Variants in AGPAT3 observed in about 807,000 individuals in gnomAD.
The protein encoded by AGPAT3 is 1-acyl-sn-glycerol-3-phosphate acyltransferase gamma.
Under a neutral mutation model 47.3 loss-of-function variants are expected in AGPAT3, and 5 were observed. The observed-to-expected ratio is 0.11, with a 90% CI of 0.06 to 0.22. The LOEUF (loss-of-function observed/expected upper bound fraction) is 0.22. AGPAT3 is among the 10% of genes least tolerant of loss of function. The probability of loss-of-function intolerance (pLI) is 1.00; values close to 1 mark genes in which losing one functional copy is unlikely to be tolerated. For synonymous variants in AGPAT3, 212 were observed against 208.3 expected, an observed-to-expected ratio of 1.02 and a Z score of -0.15; for missense variants, 315 against 493.0, an observed-to-expected ratio of 0.64 and a Z score of 3.42.
In AGPAT3 at chr21:43,945,956, G is replaced by A. The variant is rs111250381; in HGVS notation, c.-48-13678G>A. On this transcript the variant is annotated intron_variant, in intron 2 of 9. Transcript: ENST00000291572. ...AGGGGTCACGAGGAGAAGCCAGCAG[G>A]AGGGTGGTGGGCCCTCCACCTTGTC... Among the ~76,000 whole-genome samples, 943 of 152,182 alleles carry A rather than the reference G, an allele frequency of 6.2e-3. 16 individuals carry two copies. The highest frequency in any genetic ancestry group is 0.021 in the African/African-American group (861 of 41,520).
chr21:43,968,544 T>TGAG (rs1218652387), intron 4 of AGPAT3, among the ~76,000 whole-genome samples: 2 of 151,308 alleles, frequency 1.3e-5, no homozygotes, highest in African/African-American at 4.9e-5. Flanking sequence ...GGGGACTCCC[T>TGAG]GAGGAGGTGC....
At chr21:43,915,647 A>G (rs1450520090) in intron 2 of AGPAT3, among the ~76,000 whole-genome samples, 1 of 151,612 alleles carries the variant, frequency 6.6e-6, no homozygotes, top group Non-Finnish European at 1.5e-5. Flanking sequence ...CCTGACCTCA[A>G]GTGATCCACC....
chr21:43,865,819 G>C (rs1156867435), intron 1 of AGPAT3, among the ~76,000 whole-genome samples: 2 of 152,042 alleles, frequency 1.3e-5, no homozygotes, highest in Non-Finnish European at 2.9e-5. Context: ...TGGTTTCGGG[G>C]CGCGGCGGAC....
intron 1 of AGPAT3, among the ~76,000 whole-genome samples, chr21:43,883,381 A>G (rs765756725): frequency 2.6e-5 from 4 of 152,020 alleles, no homozygotes; most frequent in Non-Finnish European, 5.9e-5. Context: ...CTTGGACAAC[A>G]TTTTCTCTCC....
Position 43,983,304 on chromosome 21 carries a change from G to C in AGPAT3, c.*912G>C, listed in dbSNP as rs1013603269. On this transcript the variant is annotated 3_prime_UTR_variant, in exon 10 of 10. Coordinates refer to ENST00000291572, the MANE Select transcript of AGPAT3 (RefSeq NM_020132.5). ...TCTAGGATGCTTCAGAAGAAGCGACGGCACCGTCAACCCTCTGTTTTTTAA... is the reference window on the plus strand; with the variant it reads ...TCTAGGATGCTTCAGAAGAAGCGACCGCACCGTCAACCCTCTGTTTTTTAA... The C allele has an allele frequency of 6.6e-6, 1 of 152,232 alleles. No individual in the cohort carries two copies. The highest frequency in any genetic ancestry group is 1.5e-5 in the Non-Finnish European group (1 of 68,042). The allele number at this position is 152,232 out of a possible 1,614,324, so 9.4% of individuals were successfully genotyped here. A position where few individuals can be genotyped will look rare whatever the true frequency, so the allele number is the denominator to read the frequency against.
intron 1 of AGPAT3, among the ~76,000 whole-genome samples, chr21:43,902,483 A>T (rs1185614068): frequency 6.6e-6 from 1 of 152,228 alleles, no homozygotes; most frequent in South Asian, 2.1e-4. Flanking sequence ...TATTTCTCAC[A>T]GTTCTGGAGG....
At chr21:43,979,313 A>G (rs534393247) in intron 8 of AGPAT3, among the ~76,000 whole-genome samples, 100 of 145,878 alleles carry the variant, frequency 6.9e-4, no homozygotes, top group Middle Eastern at 3.5e-3. Context: ...AAAAAAAAAA[A>G]AAAGAAAGAA....
rs896662023 is a variant in AGPAT3, at chr21:43,865,277, C to CG, written c.-178dup. ...CCGGGCCCAGGGCCGAGGAGCGCGGCGGCCAGAGCGGGGCCGCGGAGGCGA... is the reference window on the plus strand; with the variant it reads ...CCGGGCCCAGGGCCGAGGAGCGCGGCGGGCCAGAGCGGGGCCGCGGAGGCGA... On this transcript the variant is annotated 5_prime_UTR_variant, in exon 1 of 10. Transcript: ENST00000291572. 5.0e-4 allele frequency: 74 copies of CG among 147,058 alleles called. 1 individual carries two copies. The highest frequency in any genetic ancestry group is 3.5e-3 in the Admixed American group (51 of 14,768). 9.1% of individuals were successfully genotyped at this position (147,058 alleles called of 1,614,324 possible).
chr21:43,895,278 T>G (rs904373721), intron 1 of AGPAT3, among the ~76,000 whole-genome samples: 47 of 151,710 alleles, frequency 3.1e-4, no homozygotes, highest in African/African-American at 1.1e-3. Flanking sequence ...CTAATTTTTT[T>G]GTATTTTTTT....
chr21:43,969,418 A>C, intron 5 of AGPAT3, 139 bp downstream of exon 5: 1 of 1,122,690 alleles, frequency 8.9e-7, no homozygotes, highest in Non-Finnish European at 1.3e-6. Context: ...TGGGGCCATG[A>C]CTCCCCCATC....
chr21:43,959,132 GTT>G (rs2088676209), intron 2 of AGPAT3, among the ~76,000 whole-genome samples: 1 of 148,428 alleles, frequency 6.7e-6, no homozygotes, highest in Non-Finnish European at 1.5e-5. Flanking sequence ...TGTGGCATGT[GTT>G]TGGTTTGCGG....
At chr21:43,868,613 C>G (rs1276814037) in intron 1 of AGPAT3, among the ~76,000 whole-genome samples, 1 of 152,144 alleles carries the variant, frequency 6.6e-6, no homozygotes, top group Non-Finnish European at 1.5e-5. Flanking sequence ...AAGGAAATAC[C>G]TGTCCTGAGA....
intron 2 of AGPAT3, among the ~76,000 whole-genome samples, chr21:43,915,405 CTTTTTTTTT>C (rs747494231): frequency 5.1e-5 from 2 of 38,848 alleles, no homozygotes. Context: ...TCTTGATTAG[CTTTTTTTTT>C]TTTTTTTTTT....
chr21:43,903,262 G>A (rs1199548548), intron 1 of AGPAT3, among the ~76,000 whole-genome samples: 1 of 152,208 alleles, frequency 6.6e-6, no homozygotes, highest in Non-Finnish European at 1.5e-5. Flanking sequence ...GCGGGGATGG[G>A]GAGTAGGTGT....
At chr21:43,919,453 A>C (rs766003897) in intron 2 of AGPAT3, among the ~76,000 whole-genome samples, 1 of 152,070 alleles carries the variant, frequency 6.6e-6, no homozygotes, top group Non-Finnish European at 1.5e-5. Context: ...GCTCCATCCA[A>C]GTTGCTGTGA....
chr21:43,970,101 C>A lies in AGPAT3; in HGVS notation c.511-552C>A, dbSNP rs187301922. Among the ~76,000 whole-genome samples, 1 of 151,900 alleles carries A rather than the reference C, an allele frequency of 6.6e-6. No individual in the cohort carries two copies. The highest frequency in any genetic ancestry group is 6.6e-5 in the Admixed American group (1 of 15,246). ...TCAGCTCACTGCAACCTCTGCCTCC[C>A]GGGTTCCAGCAGTTCTCCTCTCTCA... is the stretch of plus-strand genomic sequence containing the variant. On this transcript the variant is annotated intron_variant, in intron 5 of 9. Coordinates refer to ENST00000291572, the MANE Select transcript of AGPAT3 (RefSeq NM_020132.5). The surrounding 1 kb of genome is among the most constrained non-coding windows in gnomAD (Gnocchi z 5.8).
At chr21:43,911,631 T>A (rs2086635563) in intron 2 of AGPAT3, among the ~76,000 whole-genome samples, 1 of 152,246 alleles carries the variant, frequency 6.6e-6, no homozygotes, top group African/African-American at 2.4e-5. Context: ...AGGTGCTCCG[T>A]GGCCTGGGCT....
At chr21:43,967,748 CATCT>C in intron 3 of AGPAT3, 194 bp from the exon 4 acceptor site, 1 of 572,254 alleles carries the variant, frequency 1.7e-6, no homozygotes, top group Non-Finnish European at 3.1e-6. Flanking sequence ...TGCTACCTTC[CATCT>C]GTCTCCTCCC....
intron 2 of AGPAT3, among the ~76,000 whole-genome samples, chr21:43,953,604 G>A (rs1035396359): frequency 2.6e-5 from 4 of 152,192 alleles, no homozygotes; most frequent in African/African-American, 9.7e-5. Flanking sequence ...ATAAAATCCT[G>A]TGGAAGAAGG....
Sources: allele counts gnomAD v4.1 joint callset (sites outside exome capture counted in the v4.1 genomes callset), GRCh38; gene constraint gnomAD v4.1.1; non-coding constraint Gnocchi (gnomAD v3.1); transcripts MANE v1.5; gene names NCBI Gene and HGNC (gene_info 2026-07-23, HGNC 2026-07-21).